Variants in BCAS1 observed in about 807,000 individuals in gnomAD.
The protein encoded by BCAS1 is brain enriched myelin associated protein 1.
Under a neutral mutation model 65.4 loss-of-function variants are expected in BCAS1, and 46 were observed. The ratio of observed to expected loss-of-function variants is 0.70; its 90% CI spans 0.55 to 0.90. The LOEUF is 0.90. BCAS1 is among the 40% of genes least tolerant of loss of function. The pLI is 0.00. For missense variants in BCAS1, 793 were observed against 771.2 expected, an observed-to-expected ratio of 1.03 and a Z score of -0.33; for synonymous variants, 298 against 293.5, an observed-to-expected ratio of 1.02 and a Z score of -0.16.
intron 6 of BCAS1, among the ~76,000 whole-genome samples, chr20:53,993,196 T>C (rs1249497250): frequency 6.6e-6 from 1 of 152,114 alleles, no homozygotes; most frequent in Non-Finnish European, 1.5e-5. Flanking sequence ...GCAGAGAAAA[T>C]GTGTAGTGTG....
At chr20:53,990,587 C>T (rs1568849961) in intron 7 of BCAS1, among the ~76,000 whole-genome samples, 1 of 151,884 alleles carries the variant, frequency 6.6e-6, no homozygotes, top group Non-Finnish European at 1.5e-5. Flanking sequence ...GTGACAAACC[C>T]ATGGGGAAAT....
In BCAS1 at chr20:53,966,941, GTTT is replaced by G. The variant is rs755973716; in HGVS notation, c.1447_1449del (p.Lys483del). On this transcript the variant is annotated inframe_deletion, in exon 10 of 13. Transcript: ENST00000688948. ...AGAAACGCCATCAGAGAGGTTCTTGGTTTGCTTTCTTCTCTTTTGAGTTTCGCT... is the reference window on the plus strand; with the variant it reads ...AGAAACGCCATCAGAGAGGTTCTTGGGCTTTCTTCTCTTTTGAGTTTCGCT... 3 of 1,612,792 alleles carry G rather than the reference GTTT, an allele frequency of 1.9e-6. No homozygotes were observed. In the African/African-American group the frequency reaches 4.0e-5, roughly 22 times the overall value.
chr20:53,995,846 CTT>C (rs2090892306), intron 5 of BCAS1, 44 bp downstream of exon 5: 1 of 1,527,012 alleles, frequency 6.5e-7, no homozygotes, highest in African/African-American at 1.4e-5. Flanking sequence ...ATTAACAAAA[CTT>C]TTGAGCAATA....
rs146359514 is a variant in BCAS1 at position 54,038,917 on chromosome 20, G to A, written c.143-9945C>T. ...AGCTGCTCAGATCACACACATGACC[G>A]TGGTTGGACAAGGATCTGGCAAAGT... On this transcript the variant is annotated intron_variant, in intron 3 of 12. Coordinates refer to ENST00000688948, the MANE Select transcript of BCAS1 (RefSeq NM_001366298.2). 1.8e-4 allele frequency among the ~76,000 whole-genome samples: 28 copies of A among 151,456 alleles called. 1 individual carries two copies. The East Asian group carries it at 5.0e-3, about 27-fold the overall frequency.
intron 7 of BCAS1, among the ~76,000 whole-genome samples, chr20:53,991,647 A>G (rs2090762164): frequency 6.6e-6 from 1 of 152,208 alleles, no homozygotes; most frequent in Non-Finnish European, 1.5e-5. Context: ...CTAACTTCCC[A>G]AGGACATGGA....
intron 4 of BCAS1, among the ~76,000 whole-genome samples, chr20:54,014,833 G>A (rs1259148730): frequency 6.6e-6 from 1 of 152,146 alleles, no homozygotes; most frequent in Non-Finnish European, 1.5e-5. Flanking sequence ...GGACAATCAC[G>A]AAGTCTTCAT....
At chr20:53,967,162 T>G in intron 9 of BCAS1, 89 bp from the exon 10 acceptor site, 1 of 1,342,140 alleles carries the variant, frequency 7.5e-7, no homozygotes, top group Non-Finnish European at 1.0e-6. Context: ...GTTGCCCCCC[T>G]GTCCACATAG....
intron 1 of BCAS1, among the ~76,000 whole-genome samples, chr20:54,059,807 A>T (rs2146339357): frequency 6.6e-6 from 1 of 152,366 alleles, no homozygotes; most frequent in South Asian, 2.1e-4. Flanking sequence ...AAACAGAAAA[A>T]GTCCAGTAAA....
At chr20:54,006,419 G>C (rs1332517821) in intron 4 of BCAS1, among the ~76,000 whole-genome samples, 1 of 152,074 alleles carries the variant, frequency 6.6e-6, no homozygotes. Context: ...AAGTTTTAAA[G>C]TTGGATTGGG....
intron 7 of BCAS1, among the ~76,000 whole-genome samples, chr20:53,990,749 T>G (rs2090735445): frequency 6.6e-6 from 1 of 152,176 alleles, no homozygotes; most frequent in African/African-American, 2.4e-5. Flanking sequence ...TAAAAGCCAA[T>G]GAGCTCTAAC....
intron 8 of BCAS1, among the ~76,000 whole-genome samples, chr20:53,981,733 TC>T (rs1245885269): frequency 6.6e-6 from 1 of 152,080 alleles, no homozygotes; most frequent in African/African-American, 2.4e-5. Flanking sequence ...CCCACTCCAC[TC>T]TTTGTCTCCC....
At chr20:54,027,656 C>T (rs760141162) in intron 4 of BCAS1, among the ~76,000 whole-genome samples, 3 of 152,092 alleles carry the variant, frequency 2.0e-5, no homozygotes, top group Non-Finnish European at 4.4e-5. Context: ...TCTTTTCCTG[C>T]CTTGAATACA....
intron 9 of BCAS1, among the ~76,000 whole-genome samples, chr20:53,973,633 C>T (rs1311608389): frequency 2.6e-5 from 4 of 152,180 alleles, no homozygotes; most frequent in Admixed American, 6.5e-5. Context: ...ACAGATTTTA[C>T]GGGCAGCTTT....
chr20:53,950,136 C>T (rs936669677), intron 12 of BCAS1, among the ~76,000 whole-genome samples: 1 of 122,286 alleles, frequency 8.2e-6, no homozygotes, highest in African/African-American at 3.0e-5. Context: ...GTCTGCATTC[C>T]TTGCACAGCC....
At chr20:54,029,107 G>A (rs2072128) in intron 3 of BCAS1, 135 bp from the exon 4 acceptor site, 245,913 of 1,436,050 alleles carry the variant, frequency 0.17, 21,572 homozygotes, top group East Asian at 0.26. Flanking sequence ...CATTCTGAAA[G>A]GCAGAAGTTA....
chr20:54,061,527 A>G (rs920271086), intron 1 of BCAS1, among the ~76,000 whole-genome samples: 9 of 152,240 alleles, frequency 5.9e-5, no homozygotes, highest in African/African-American at 2.2e-4. Flanking sequence ...AAAGGAGTCA[A>G]TGAGTCACCA....
Position 53,957,696 on chromosome 20 carries a change from G to A in BCAS1, c.1486-199C>T, listed in dbSNP as rs540650097. Reference sequence around the variant, plus strand: ...TCTAACCAGATCTAATTAAATTCAAGTGTTGGCCTCCAAAAATAACAACAA... The same window carrying A: ...TCTAACCAGATCTAATTAAATTCAAATGTTGGCCTCCAAAAATAACAACAA... On this transcript the variant is annotated intron_variant, in intron 10 of 12. Coordinates refer to ENST00000688948, the MANE Select transcript of BCAS1 (RefSeq NM_001366298.2). 2.6e-5 allele frequency among the ~76,000 whole-genome samples: 4 copies of A among 152,326 alleles called. No homozygotes were observed. The South Asian group carries it at 8.3e-4, about 32-fold the overall frequency.
At position 53,957,494 on chromosome 20, in the gene BCAS1, C is replaced by G. The variant is rs771141484; in HGVS notation, c.1489G>C (p.Val497Leu). Residue 497 changes from valine (V) to leucine (L), a missense_variant, in exon 11 of 13, where the codon GTG becomes CTG. By Grantham distance (32) the Val-to-Leu change is conservative. Transcript: ENST00000688948. ...SLMAFLRQMS[V>L]KGDGGITHSE... Reference sequence around the variant, plus strand: ...TGGGTGATCCCTCCATCCCCTTTCACTGACTAAAATAACAAACAGACAATG... The same window carrying G: ...TGGGTGATCCCTCCATCCCCTTTCAGTGACTAAAATAACAAACAGACAATG... 6.2e-7 allele frequency: 1 copy of G among 1,613,934 alleles called. No individual in the cohort carries two copies. The highest frequency in any genetic ancestry group is 8.5e-7 in the Non-Finnish European group (1 of 1,179,780).
chr20:53,962,434 G>A (rs1315600483), intron 10 of BCAS1, among the ~76,000 whole-genome samples: 1 of 152,154 alleles, frequency 6.6e-6, no homozygotes, highest in African/African-American at 2.4e-5. Context: ...AGGAGTAAAT[G>A]AAATAAGGTA....
Sources: gnomAD v4.1 joint callset for allele counts (sites outside exome capture counted in the v4.1 genomes callset) on GRCh38, gnomAD v4.1.1 for gene constraint, MANE v1.5 for transcripts, NCBI Gene and HGNC (gene_info 2026-07-23, HGNC 2026-07-21) for gene names.